The following CNTN5 variants were observed in gnomAD, a reference collection of about 807,000 sequenced individuals.
The protein encoded by CNTN5 is contactin-5.
In CNTN5, 77 loss-of-function variants were observed where a neutral mutation model predicts 129.1. The ratio of observed to expected loss-of-function variants is 0.60; its 90% confidence interval spans 0.50 to 0.72. CNTN5 has a LOEUF of 0.72. Among genes scored for constraint, CNTN5 ranks in the 30% least tolerant of loss-of-function variants. The pLI is 0.00. For synonymous variants in CNTN5, 509 were observed against 465.6 expected (o/e 1.09, Z -1.20); for missense variants, 1,478 against 1,328.8 (o/e 1.11, Z -1.75).
intron 1 of CNTN5, among the ~76,000 whole-genome samples, chr11:99,281,040 C>A (rs1863672184): frequency 6.6e-6 from 1 of 151,542 alleles, no homozygotes; most frequent in Non-Finnish European, 1.5e-5. Flanking sequence ...AATAGATTAA[C>A]AACCAAGGAT....
chr11:99,786,533 G>A (rs1294270276), intron 3 of CNTN5, among the ~76,000 whole-genome samples: 1 of 152,100 alleles, frequency 6.6e-6, no homozygotes, highest in East Asian at 1.9e-4. Flanking sequence ...CCAAGAAAGA[G>A]CCCATATAGC....
chr11:100,306,428 C>T (rs956060242), intron 20 of CNTN5, among the ~76,000 whole-genome samples: 1 of 151,544 alleles, frequency 6.6e-6, no homozygotes, highest in African/African-American at 2.4e-5. Flanking sequence ...TTATTTATCC[C>T]CCTGCAATCT....
At chr11:99,746,303 G>A (rs1944054273) in intron 3 of CNTN5, among the ~76,000 whole-genome samples, 1 of 152,056 alleles carries the variant, frequency 6.6e-6, no homozygotes, top group Non-Finnish European at 1.5e-5. Flanking sequence ...TGGATATCTA[G>A]TTTTCCCAAC....
At chr11:100,094,757 G>A (rs1184560779) in intron 13 of CNTN5, among the ~76,000 whole-genome samples, 2 of 139,566 alleles carry the variant, frequency 1.4e-5, no homozygotes, top group East Asian at 2.1e-4. Flanking sequence ...AGGAGGGAGG[G>A]AGGGAGGAAA....
rs533014712 is a variant in CNTN5 at position 99,136,344 on chromosome 11, C to T, written c.-210+115074C>T. Among the ~76,000 whole-genome samples, 181 of 152,234 alleles carry T rather than the reference C, an allele frequency of 1.2e-3. No homozygotes were observed. The Middle Eastern group carries it at 0.02, about 17-fold the overall frequency. On this transcript the variant is annotated intron_variant, in intron 1 of 24. Coordinates refer to ENST00000524871, the MANE Select transcript of CNTN5 (RefSeq NM_014361.4). ...GAAACATAGCCAGGGTACTACTTTG[C>T]TTGAGAAATCTCTACATGAATGTTC...
At chr11:99,734,467 G>A (rs1262589208) in intron 3 of CNTN5, among the ~76,000 whole-genome samples, 1 of 151,998 alleles carries the variant, frequency 6.6e-6, no homozygotes, top group Non-Finnish European at 1.5e-5. Context: ...CACTCAGAGG[G>A]GTCAGCAATT....
rs562558144 is a variant in CNTN5 at position 99,287,434 on chromosome 11, T to A, written c.-209-37912T>A. ...TTTCTACTTATAAGACTGTCTCCTA[T>A]TATTCAAACATCCTTCTCTCTCATT... On this transcript the variant is annotated intron_variant, in intron 1 of 24. Coordinates refer to ENST00000524871, the MANE Select transcript of CNTN5 (RefSeq NM_014361.4). Among the ~76,000 whole-genome samples, 15 of 152,176 alleles carry A rather than the reference T, an allele frequency of 9.9e-5. No individual in the cohort carries two copies. In the South Asian group the frequency reaches 2.9e-3, roughly 29 times the overall value.
At position 99,845,123 on chromosome 11, in the gene CNTN5, T is replaced by C. The variant is rs1429768161; in HGVS notation, c.438T>C (p.Ser146=). The part of the protein sequence containing the change: ...LRNGTEIDLE[S]DYRYSLIDGT... ...ATGGAACAGAAATAGATCTGGAAAG[T>C]GATTATCGCTACAGTTTGATAGATG... The change falls in exon 6 of 25, where the codon AGT becomes AGC. Residue 146 remains serine (S), a synonymous_variant. Coordinates refer to ENST00000524871, the MANE Select transcript of CNTN5 (RefSeq NM_014361.4). 5 of 1,613,718 alleles carry C rather than the reference T, an allele frequency of 3.1e-6. No individual in the cohort carries two copies. The highest frequency in any genetic ancestry group is 4.2e-6 in the Non-Finnish European group (5 of 1,179,790).
chr11:99,950,522 G>C (rs1261248875), intron 7 of CNTN5, among the ~76,000 whole-genome samples: 3 of 152,112 alleles, frequency 2.0e-5, no homozygotes, highest in Non-Finnish European at 4.4e-5. Context: ...TCTTTCTCTT[G>C]GTACTAACCA....
chr11:99,929,790 A>C (rs186759605), intron 7 of CNTN5, among the ~76,000 whole-genome samples: 9 of 152,190 alleles, frequency 5.9e-5, no homozygotes, highest in African/African-American at 2.2e-4. Context: ...GTGGGGACAC[A>C]GTCAAACCAT....
intron 6 of CNTN5, among the ~76,000 whole-genome samples, chr11:99,860,797 G>C (rs1948179302): frequency 6.6e-6 from 1 of 151,730 alleles, no homozygotes; most frequent in African/African-American, 2.4e-5. Context: ...TCTTGTTGTT[G>C]TTACATATGA....
intron 13 of CNTN5, among the ~76,000 whole-genome samples, chr11:100,080,483 G>A (rs1944317550): frequency 6.6e-6 from 1 of 152,042 alleles, no homozygotes; most frequent in Non-Finnish European, 1.5e-5. Context: ...TGTTTATTAG[G>A]CAACAATGAT....
intron 2 of CNTN5, among the ~76,000 whole-genome samples, chr11:99,547,646 C>G (rs774325971): frequency 6.6e-6 from 1 of 152,132 alleles, no homozygotes; most frequent in Admixed American, 6.5e-5. Flanking sequence ...AAGTTAATTG[C>G]ATTATCCTCC....
chr11:99,061,045 T>A (rs541043468), intron 1 of CNTN5, among the ~76,000 whole-genome samples: 20 of 152,182 alleles, frequency 1.3e-4, no homozygotes, highest in Admixed American at 5.2e-4. Context: ...TTTCTGAGAT[T>A]TTTTTTTCTT....
chr11:100,106,891 G>A (rs1945455935), intron 13 of CNTN5, among the ~76,000 whole-genome samples: 1 of 152,042 alleles, frequency 6.6e-6, no homozygotes. Context: ...GTTTTTAGAA[G>A]CACCTGGTAT....
At chr11:99,150,079 A>G (rs74524322) in intron 1 of CNTN5, among the ~76,000 whole-genome samples, 12,768 of 152,154 alleles carry the variant, frequency 0.084, 730 homozygotes, top group South Asian at 0.13. Flanking sequence ...TTGAATGTCC[A>G]TGTTTTAAAT....
intron 13 of CNTN5, among the ~76,000 whole-genome samples, chr11:100,094,927 G>T (rs1944951677): frequency 6.6e-6 from 1 of 152,106 alleles, no homozygotes; most frequent in Admixed American, 6.6e-5. Flanking sequence ...AGAGACACTA[G>T]TATCAGTCAA....
chr11:99,297,350 T>C (rs1864434225), intron 1 of CNTN5, among the ~76,000 whole-genome samples: 1 of 152,138 alleles, frequency 6.6e-6, no homozygotes, highest in Non-Finnish European at 1.5e-5. Context: ...TCTCTCAAGT[T>C]TCCCCTTTTA....
chr11:99,082,623 C>T, intron 1 of CNTN5, among the ~76,000 whole-genome samples: 1 of 152,168 alleles, frequency 6.6e-6, no homozygotes, highest in African/African-American at 2.4e-5. Context: ...TTTCCCAATT[C>T]TTTGGCCTGT....
Sources: gnomAD v4.1 joint callset for allele counts (sites outside exome capture counted in the v4.1 genomes callset) on GRCh38, gnomAD v4.1.1 for gene constraint, MANE v1.5 for transcripts, NCBI Gene and HGNC (gene_info 2026-07-23, HGNC 2026-07-21) for gene names.